The following CSMD1 variants were observed in gnomAD, a reference collection of about 807,000 sequenced individuals.
CSMD1 encodes CUB and sushi domain-containing protein 1.
In CSMD1, 213 loss-of-function variants were observed where a neutral mutation model predicts 417.5. The ratio of observed to expected loss-of-function variants is 0.51; its 90% CI spans 0.46 to 0.57. CSMD1 has a LOEUF of 0.57. Ranked by LOEUF, CSMD1 falls within the 20% of genes least tolerant of loss-of-function variation. CSMD1 has a pLI of 0.00. For synonymous variants in CSMD1, 2,862 were observed against 1,736.8 expected, an observed-to-expected ratio of 1.65 and a Z score of -16.11; for missense variants, 6,923 against 4,529.7, an observed-to-expected ratio of 1.53 and a Z score of -15.17.
chr8:4,953,581 G>C (rs975138556), intron 1 of CSMD1, among the ~76,000 whole-genome samples: 4 of 152,050 alleles, frequency 2.6e-5, no homozygotes, highest in African/African-American at 4.8e-5. Context: ...AGAAACGATT[G>C]TCAACTAGTC....
intron 3 of CSMD1, among the ~76,000 whole-genome samples, chr8:4,086,939 C>T (rs749237247): frequency 2.0e-5 from 3 of 152,200 alleles, no homozygotes; most frequent in Non-Finnish European, 2.9e-5. Flanking sequence ...CACTAACCAG[C>T]TGTGTGGTTT....
chr8:3,049,996 T>G (rs1811712524), intron 50 of CSMD1, among the ~76,000 whole-genome samples: 1 of 152,078 alleles, frequency 6.6e-6, no homozygotes, highest in Non-Finnish European at 1.5e-5. Flanking sequence ...TTTTATAAAG[T>G]GACCTTGTCA....
At chr8:4,360,964 TTGAC>T (rs1434719173) in intron 3 of CSMD1, among the ~76,000 whole-genome samples, 2 of 152,320 alleles carry the variant, frequency 1.3e-5, no homozygotes, top group African/African-American at 4.8e-5. Context: ...TGAGGAATAC[TTGAC>T]TGACAGTAGA....
intron 2 of CSMD1, among the ~76,000 whole-genome samples, chr8:4,527,336 AC>A (rs201111141): frequency 6.6e-6 from 1 of 152,078 alleles, no homozygotes; most frequent in Non-Finnish European, 1.5e-5. Flanking sequence ...TCTGCCCTTT[AC>A]CCAAAAAACA....
intron 11 of CSMD1, among the ~76,000 whole-genome samples, chr8:3,481,176 A>C (rs1021581858): frequency 2.0e-5 from 3 of 150,584 alleles, no homozygotes; most frequent in Non-Finnish European, 3.0e-5. Context: ...AAAAAAAAAA[A>C]AAACCAGAGT....
intron 1 of CSMD1, among the ~76,000 whole-genome samples, chr8:4,702,369 G>A (rs1457213502): frequency 2.0e-5 from 3 of 152,200 alleles, no homozygotes; most frequent in African/African-American, 4.8e-5. Flanking sequence ...GCTCTCCGAA[G>A]TAGCAATTCC....
intron 3 of CSMD1, among the ~76,000 whole-genome samples, chr8:4,124,683 C>T (rs1291213431): frequency 2.0e-5 from 3 of 152,166 alleles, no homozygotes; most frequent in Non-Finnish European, 4.4e-5. Flanking sequence ...GCTGGACTTC[C>T]TAGGTCAATA....
At chr8:3,080,291 G>C (rs1024949680) in intron 49 of CSMD1, among the ~76,000 whole-genome samples, 1 of 152,170 alleles carries the variant, frequency 6.6e-6, no homozygotes, top group African/African-American at 2.4e-5. Context: ...AGATGAATAA[G>C]ATTAGTGTGC....
At chr8:3,294,898 C>T (rs981820653) in intron 25 of CSMD1, among the ~76,000 whole-genome samples, 9 of 152,008 alleles carry the variant, frequency 5.9e-5, no homozygotes, top group Admixed American at 2.6e-4. Flanking sequence ...GGAGAAATCG[C>T]CCGTCTTCTG....
chr8:3,552,550 T>C (rs923682849), intron 10 of CSMD1, among the ~76,000 whole-genome samples: 1 of 152,170 alleles, frequency 6.6e-6, no homozygotes, highest in East Asian at 1.9e-4. Flanking sequence ...TTAGCCAAGA[T>C]AAACATAAGG....
chr8:3,678,760 G>C (rs1205928406), intron 7 of CSMD1, among the ~76,000 whole-genome samples: 1 of 152,064 alleles, frequency 6.6e-6, no homozygotes, highest in Non-Finnish European at 1.5e-5. Flanking sequence ...CTGAAATGAA[G>C]GAAAAAATGT....
chr8:4,287,314 A>G (rs1397899211), intron 3 of CSMD1, among the ~76,000 whole-genome samples: 2 of 152,236 alleles, frequency 1.3e-5, no homozygotes, highest in African/African-American at 4.8e-5. Context: ...AGATAAATCA[A>G]GCACATCTGG....
chr8:3,143,492 AAAC>A (rs1323654143), intron 40 of CSMD1, among the ~76,000 whole-genome samples: 1 of 152,256 alleles, frequency 6.6e-6, no homozygotes, highest in African/African-American at 2.4e-5. Flanking sequence ...ATTTAAAAGG[AAAC>A]AATAAAAATA....
At chr8:3,797,676 T>G (rs779079074) in intron 5 of CSMD1, among the ~76,000 whole-genome samples, 6 of 151,998 alleles carry the variant, frequency 3.9e-5, no homozygotes, top group Non-Finnish European at 5.9e-5. Flanking sequence ...ATTAATGGAC[T>G]TTTGGATTGT....
At chr8:4,458,851 G>A (rs1486717096) in intron 2 of CSMD1, among the ~76,000 whole-genome samples, 2 of 152,162 alleles carry the variant, frequency 1.3e-5, no homozygotes, top group East Asian at 3.9e-4. Context: ...ACTGAGGCAA[G>A]CGTAGCACTG....
At chr8:4,082,031 A>C (rs1407783825) in intron 3 of CSMD1, among the ~76,000 whole-genome samples, 1 of 152,230 alleles carries the variant, frequency 6.6e-6, no homozygotes, top group East Asian at 1.9e-4. Flanking sequence ...GCAAATAGAG[A>C]AATTAGGAAA....
chr8:3,729,321 T>C (rs1224603279), intron 6 of CSMD1, among the ~76,000 whole-genome samples: 1 of 152,132 alleles, frequency 6.6e-6, no homozygotes, highest in Non-Finnish European at 1.5e-5. Context: ...TGTCTGAGGG[T>C]GGGCTTCGGA....
intron 5 of CSMD1, among the ~76,000 whole-genome samples, chr8:3,943,717 T>C (rs1266113624): frequency 6.6e-6 from 1 of 152,060 alleles, no homozygotes; most frequent in Non-Finnish European, 1.5e-5. Context: ...TGGACATTTC[T>C]GCCAAAAAAA....
intron 1 of CSMD1, among the ~76,000 whole-genome samples, chr8:4,792,691 C>CA (rs1384838852): frequency 1.3e-5 from 2 of 152,100 alleles, no homozygotes; most frequent in African/African-American, 4.8e-5. Flanking sequence ...GGTCCAGAAC[C>CA]AAAAGGAACA....
Sources: gnomAD v4.1 joint callset for allele counts (sites outside exome capture counted in the v4.1 genomes callset) on GRCh38, gnomAD v4.1.1 for gene constraint, MANE v1.5 for transcripts, NCBI Gene and HGNC (gene_info 2026-07-23, HGNC 2026-07-21) for gene names.